Variants in ACER2 observed in about 807,000 individuals in gnomAD.
ACER2 encodes alkCDase 2.
In ACER2, 26 loss-of-function variants were observed where a neutral mutation model predicts 34.7. That is an observed-to-expected ratio of 0.75 (90% CI 0.55 to 1.04). ACER2 has a LOEUF of 1.04. Among genes scored for constraint, ACER2 ranks in the 50% least tolerant of loss-of-function variants. ACER2 has a pLI of 0.00. For missense variants in ACER2, 352 were observed against 340.8 expected, an observed-to-expected ratio of 1.03 and a Z score of -0.26; for synonymous variants, 138 against 132.1, an observed-to-expected ratio of 1.04 and a Z score of -0.31.
rs1830512186 is a variant in ACER2 at position 19,424,851 on chromosome 9, C to T, written c.365+10C>T. ...TCTTTCGGAATGACCGGTAAGCTTG[C>T]ACTAAACATTATTGCATTTACCACT... On this transcript the variant is annotated intron_variant, in intron 3 of 5. Coordinates refer to ENST00000340967, the MANE Select transcript of ACER2 (RefSeq NM_001010887.3). 1 of 1,613,930 alleles carries T rather than the reference C, an allele frequency of 6.2e-7. No homozygotes were observed. Among genetic ancestry groups the T allele is most frequent in the Non-Finnish European group, 8.5e-7 (1 of 1,180,006 alleles).
intron 3 of ACER2, among the ~76,000 whole-genome samples, chr9:19,425,045 G>A (rs987691032): frequency 5.9e-5 from 9 of 152,164 alleles, no homozygotes; most frequent in African/African-American, 2.2e-4. Context: ...ATAATGCAGA[G>A]TGCATCACCT....
chr9:19,424,360 C>G, intron 2 of ACER2: 4 of 984,912 alleles, frequency 4.1e-6, no homozygotes, highest in Non-Finnish European at 4.8e-6. Flanking sequence ...TTTCCATTTC[C>G]TCCCACAGGC....
intron 1 of ACER2, 90 bp downstream of exon 1, chr9:19,409,282 T>G: frequency 7.8e-7 from 1 of 1,279,608 alleles, no homozygotes; most frequent in Non-Finnish European, 1.1e-6. Context: ...CGTGGGTCTC[T>G]GCGCGCATCT....
rs185257859 is a variant in ACER2, at chr9:19,452,494, T to A, written c.*1858T>A. 1.6e-4 allele frequency among the ~76,000 whole-genome samples: 25 copies of A among 152,356 alleles called. No individual in the cohort carries two copies. The East Asian group carries it at 4.2e-3, about 26-fold the overall frequency. The stretch of plus-strand genomic sequence containing the variant: ...AGTAAATTGTATGTTATTAAATTTA[T>A]TTAAGGTTAAATTTATGGCATTTAC... On this transcript the variant is annotated 3_prime_UTR_variant, in exon 6 of 6. Transcript: ENST00000340967.
intron 4 of ACER2, among the ~76,000 whole-genome samples, chr9:19,445,057 A>G (rs953075640): frequency 6.6e-6 from 1 of 152,152 alleles, no homozygotes; most frequent in Admixed American, 6.5e-5. Flanking sequence ...CTTCTTCTCA[A>G]TTGCAGATGT....
At chr9:19,444,406 G>A (rs917538544) in intron 4 of ACER2, among the ~76,000 whole-genome samples, 2 of 151,922 alleles carry the variant, frequency 1.3e-5, no homozygotes, top group Non-Finnish European at 2.9e-5. Flanking sequence ...TAGAGACGAG[G>A]TTTCACCGGA....
chr9:19,443,155 G>C (rs558521345), intron 4 of ACER2, among the ~76,000 whole-genome samples: 2 of 152,032 alleles, frequency 1.3e-5, no homozygotes, highest in African/African-American at 4.8e-5. Context: ...TTCAGTCTCC[G>C]GAGTAGCTGG....
chr9:19,419,028 A>C (rs1830324029), intron 1 of ACER2, among the ~76,000 whole-genome samples: 1 of 152,052 alleles, frequency 6.6e-6, no homozygotes, highest in South Asian at 2.1e-4. Context: ...CTCTACTATA[A>C]AAATAGAAAA....
chr9:19,432,241 A>G (rs1012559278), intron 3 of ACER2, among the ~76,000 whole-genome samples: 3 of 152,214 alleles, frequency 2.0e-5, no homozygotes, highest in African/African-American at 7.2e-5. Flanking sequence ...CAGTAAATAT[A>G]GACTATTTTT....
chr9:19,446,367 C>T lies in ACER2; in HGVS notation c.590C>T (p.Ala197Val), dbSNP rs747301792. 13 of 1,614,062 alleles carry T rather than the reference C, an allele frequency of 8.1e-6. No individual in the cohort carries two copies. The highest frequency in any genetic ancestry group is 3.3e-4 in the Middle Eastern group (2 of 6,084). Residue 197 changes from alanine (A) to valine (V), a missense_variant, in exon 5 of 6, where the codon GCT becomes GTT. Physicochemically the swap from Ala to Val is moderately conservative, Grantham distance 64. Transcript: ENST00000340967. ...CTGTTCTGCTGGATCAGTGACCGAGCTTTCTGCGAGCTGCTGTCATCCTTC... is the reference window on the plus strand; with the variant it reads ...CTGTTCTGCTGGATCAGTGACCGAGTTTTCTGCGAGCTGCTGTCATCCTTC... ...LALFCWISDR[A>V]FCELLSSFNF...
chr9:19,412,428 A>T (rs1253422259), intron 1 of ACER2, among the ~76,000 whole-genome samples: 1 of 152,068 alleles, frequency 6.6e-6, no homozygotes, highest in Admixed American at 6.6e-5. Context: ...TGAGGCAGGC[A>T]GATCATTTGA....
At chr9:19,438,372 T>C (rs1831039111) in intron 4 of ACER2, among the ~76,000 whole-genome samples, 1 of 152,236 alleles carries the variant, frequency 6.6e-6, no homozygotes. Flanking sequence ...TGTATCTGTT[T>C]TTTAGGGATC....
At chr9:19,448,659 A>G (rs1358328163) in intron 5 of ACER2, among the ~76,000 whole-genome samples, 2 of 152,122 alleles carry the variant, frequency 1.3e-5, no homozygotes, top group South Asian at 2.1e-4. Flanking sequence ...TTTTACCCAC[A>G]CTTTCACATA....
chr9:19,446,127 A>T (rs1423179995), intron 4 of ACER2, 154 bp from the exon 5 acceptor site: 1 of 1,081,184 alleles, frequency 9.2e-7, no homozygotes, highest in East Asian at 2.4e-5. Context: ...ATTTACATCC[A>T]TGAGACTGTG....
chr9:19,444,440 C>T (rs1401430145), intron 4 of ACER2, among the ~76,000 whole-genome samples: 1 of 151,942 alleles, frequency 6.6e-6, no homozygotes, highest in Non-Finnish European at 1.5e-5. Context: ...TCTCGATCTC[C>T]TGACCTCTGG....
intron 1 of ACER2, chr9:19,409,694 C>T (rs1830029065): frequency 1.0e-6 from 1 of 974,946 alleles, no homozygotes; most frequent in Non-Finnish European, 1.2e-6. Flanking sequence ...GCCCCACCCC[C>T]AAGAACATGC....
At chr9:19,434,122 C>T (rs1161900401) in intron 3 of ACER2, among the ~76,000 whole-genome samples, 2 of 151,502 alleles carry the variant, frequency 1.3e-5, no homozygotes, top group Admixed American at 6.6e-5. Context: ...AGGCGCTCCT[C>T]ACATCCCAGA....
chr9:19,433,954 AC>A (rs1314671313), intron 3 of ACER2, among the ~76,000 whole-genome samples: 1 of 140,270 alleles, frequency 7.1e-6, no homozygotes, highest in African/African-American at 2.8e-5. Context: ...CAGGGGGCTG[AC>A]CCCCCCACCT....
rs763554853 is a variant in ACER2, at chr9:19,429,023, C to T, written c.365+4182C>T. On this transcript the variant is annotated intron_variant, in intron 3 of 5. Transcript: ENST00000340967. ...CAGGCTGGTCTCGAACTCCTGACCT[C>T]ATGATCCGCTCGCCTCGGCCTCCCA... Among the ~76,000 whole-genome samples, 152 of 151,766 alleles carry T rather than the reference C, an allele frequency of 1.0e-3. 1 individual carries two copies. The highest frequency in any genetic ancestry group is 1.0e-3 in the Non-Finnish European group (69 of 67,956).
Sources: allele counts gnomAD v4.1 joint callset (sites outside exome capture counted in the v4.1 genomes callset), GRCh38; gene constraint gnomAD v4.1.1; transcripts MANE v1.5; gene names NCBI Gene and HGNC (gene_info 2026-07-23, HGNC 2026-07-21).